Variants in JAK1 observed in about 807,000 individuals in gnomAD.
JAK1 encodes the protein Janus kinase 1.
Under a neutral mutation model 136.6 loss-of-function variants are expected in JAK1, and 16 were observed. The observed-to-expected ratio is 0.12, with a 90% CI of 0.08 to 0.18. The LOEUF (loss-of-function observed/expected upper bound fraction) is 0.18, where lower values mean the gene tolerates loss of function less well. Ranked by LOEUF, JAK1 falls within the 10% of genes least tolerant of loss-of-function variation. The pLI, the probability that JAK1 is intolerant of heterozygous loss-of-function variation, is 1.00. For synonymous variants in JAK1, 492 were observed against 519.5 expected, an observed-to-expected ratio of 0.95 and a Z score of 0.72; for missense variants, 859 against 1,450.1, an observed-to-expected ratio of 0.59 and a Z score of 6.62.
intron 2 of JAK1, chr1:64,985,277 G>A: frequency 6.2e-7 from 1 of 1,609,166 alleles, no homozygotes; most frequent in Non-Finnish European, 8.5e-7. Context: ...GGAGCATGAT[G>A]GAAATGATGA....
chr1:64,997,679 G>A (rs977464757), intron 2 of JAK1, among the ~76,000 whole-genome samples: 10 of 152,178 alleles, frequency 6.6e-5, no homozygotes, highest in African/African-American at 2.4e-4. Flanking sequence ...GGTTTATAAT[G>A]GTTGCAGAGA....
Position 64,857,689 on chromosome 1 carries a change from G to T in JAK1, c.1425C>A (p.Ile475=). 1.2e-6 allele frequency: 2 copies of T among 1,614,204 alleles called. No individual in the cohort carries two copies. The highest frequency in any genetic ancestry group is 1.7e-6 in the Non-Finnish European group (2 of 1,180,034). ...TCTCAAAGCAGGTGACGGTCATGAG[G>T]ATGTTGTCAAAGTCGGTGCAGCTCC... is the stretch of plus-strand genomic sequence containing the variant. The part of the protein sequence containing the change: ...LRWSCTDFDN[I]LMTVTCFEKS... Residue 475 remains isoleucine, a synonymous_variant, in exon 10 of 25, where the codon ATC becomes ATA. Transcript: ENST00000342505.
intron 2 of JAK1, chr1:64,972,820 T>C (rs1038657316): frequency 5.9e-5 from 9 of 151,798 alleles, no homozygotes; most frequent in African/African-American, 2.2e-4. Context: ...ATATTTATTG[T>C]TTAAAAATTA....
chr1:64,846,709 T>C lies in JAK1; in HGVS notation c.1927A>G (p.Arg643Gly), dbSNP rs749155017. The C allele has an allele frequency of 1.9e-6, 3 of 1,614,054 alleles. No individual in the cohort carries two copies. Residue 643 changes from arginine (R) to glycine (G), a missense_variant, in exon 14 of 25, where the codon AGA (arginine) becomes GGA (glycine). Arg to Gly is a moderately radical substitution (Grantham distance 125). Transcript: ENST00000342505. Reference protein sequence around the residue: ...LAFFEAASMMRQVSHKHIVYL... With the variant: ...LAFFEAASMMGQVSHKHIVYL... ...ACGATGTGTTTGTGGGAGACCTGTC[T>C]CATCATGCTGGCTGCCTCGAAGAAG... is the stretch of plus-strand genomic sequence containing the variant.
At chr1:65,056,797 A>C (rs1647559923) in intron 1 of JAK1, among the ~76,000 whole-genome samples, 1 of 151,884 alleles carries the variant, frequency 6.6e-6, no homozygotes, top group Non-Finnish European at 1.5e-5. Context: ...GGTGGTGCAC[A>C]CCTGTAATCC....
At chr1:64,985,197 C>T in intron 2 of JAK1, 2 of 1,552,940 alleles carry the variant, frequency 1.3e-6, no homozygotes, top group Non-Finnish European at 1.8e-6. Context: ...CTCTTGAACA[C>T]CTGCACCCTT....
At chr1:64,858,560 C>G (rs566858806) in intron 9 of JAK1, among the ~76,000 whole-genome samples, 2 of 152,152 alleles carry the variant, frequency 1.3e-5, no homozygotes, top group Admixed American at 6.5e-5. Context: ...TGAGCAGGCT[C>G]TTTAGGCAAG....
intron 11 of JAK1, among the ~76,000 whole-genome samples, chr1:64,852,934 A>G (rs1485875975): frequency 6.6e-6 from 1 of 152,064 alleles, no homozygotes; most frequent in East Asian, 1.9e-4. Flanking sequence ...GGAGTGGGAG[A>G]TGGGTAGTGG....
In JAK1 at chr1:64,856,079, G is replaced by GACTCAAAAAA. The variant is rs1256991682; in HGVS notation, c.1459-382_1459-381insTTTTTTGAGT. 1.2e-4 allele frequency among the ~76,000 whole-genome samples: 18 copies of GACTCAAAAAA among 152,254 alleles called. 1 individual carries two copies. Among genetic ancestry groups the GACTCAAAAAA allele is most frequent in the Admixed American group, 3.9e-4 (6 of 15,288 alleles). ...AAAAACTTAGTAAGCCCTTTATAAA[G>GACTCAAAAAA]TCCAGCAGATATTATATATGAGGTA... is the stretch of plus-strand genomic sequence containing the variant. On this transcript the variant is annotated intron_variant, in intron 10 of 24. Coordinates refer to ENST00000342505, the MANE Select transcript of JAK1 (RefSeq NM_002227.4).
chr1:65,009,428 A>G (rs920985890), intron 2 of JAK1, among the ~76,000 whole-genome samples: 1 of 152,222 alleles, frequency 6.6e-6, no homozygotes, highest in Non-Finnish European at 1.5e-5. Flanking sequence ...ACATTTTATG[A>G]CATATGTTAC....
chr1:64,903,535 G>C (rs1158769210), intron 1 of JAK1, among the ~76,000 whole-genome samples: 2 of 152,180 alleles, frequency 1.3e-5, no homozygotes, highest in South Asian at 2.1e-4. Flanking sequence ...TGAGAGGACA[G>C]GAAGCCTAGT....
chr1:64,985,917 A>G, intron 2 of JAK1: 1 of 796,724 alleles, frequency 1.3e-6, no homozygotes, highest in Non-Finnish European at 2.1e-6. Flanking sequence ...CCAAAGGGAC[A>G]AGCACAACAT....
Position 64,834,305 on chromosome 1 carries a change from G to A in JAK1, c.*257C>T, listed in dbSNP as rs1570596469. On this transcript the variant is annotated 3_prime_UTR_variant, in exon 25 of 25. Transcript: ENST00000342505. ...TGGTATATTCTTTCCACAAGGAGGAGTGCTTAAGTGCTTTCAAATATTTTG... is the reference window on the plus strand; with the variant it reads ...TGGTATATTCTTTCCACAAGGAGGAATGCTTAAGTGCTTTCAAATATTTTG... 3 of 314,698 alleles carry A rather than the reference G, an allele frequency of 9.5e-6. No homozygotes were observed. The highest frequency in any genetic ancestry group is 1.8e-5 in the Non-Finnish European group (3 of 168,202). 19.5% of individuals were successfully genotyped at this position (314,698 alleles called of 1,614,324 possible).
intron 1 of JAK1, among the ~76,000 whole-genome samples, chr1:64,932,817 C>A (rs541247802): frequency 3.4e-4 from 51 of 152,146 alleles, no homozygotes; most frequent in African/African-American, 1.2e-3. Flanking sequence ...CTGGGACTGC[C>A]CACAATCTCT....
chr1:64,981,774 A>C (rs948412792), intron 2 of JAK1, among the ~76,000 whole-genome samples: 1 of 152,208 alleles, frequency 6.6e-6, no homozygotes, highest in Admixed American at 6.5e-5. Flanking sequence ...CAGTGTTTAC[A>C]CTATTACACA....
chr1:65,035,057 AAAATAAAT>A (rs35499348), intron 2 of JAK1, among the ~76,000 whole-genome samples: 13,930 of 149,524 alleles, frequency 0.093, 723 homozygotes, highest in Admixed American at 0.12. Flanking sequence ...ACTCCATCTC[AAAATAAAT>A]AAATAAATAA....
chr1:64,874,194 A>G (rs1348665311), intron 4 of JAK1, among the ~76,000 whole-genome samples: 1 of 152,156 alleles, frequency 6.6e-6, no homozygotes, highest in Non-Finnish European at 1.5e-5. Context: ...AGGCTAGGTG[A>G]CCTAAAACTA....
chr1:64,895,500 G>A (rs1236940065), intron 1 of JAK1, among the ~76,000 whole-genome samples: 1 of 152,188 alleles, frequency 6.6e-6, no homozygotes, highest in Non-Finnish European at 1.5e-5. Context: ...ATATAAAACA[G>A]TGAGACATTC....
At position 65,003,013 on chromosome 1, in the gene JAK1, CTTT is replaced by C. The variant is rs11410336; in HGVS notation, c.-78+41464_-78+41466del. The stretch of plus-strand genomic sequence containing the variant: ...CCTCGCACGGCGTGAGACAACCTAG[CTTT>C]TTTTTTTTTTTTTTTTTTAAGAAAA... On this transcript the variant is annotated intron_variant, in intron 2 of 25. Coordinates refer to the JAK1 transcript ENST00000671954. Among the ~76,000 whole-genome samples the C allele has an allele frequency of 8.7e-4, 104 of 119,868 alleles. 1 individual carries two copies. The highest frequency in any genetic ancestry group is 0.011 in the Middle Eastern group (2 of 186). 78.6% of individuals were successfully genotyped at this position (119,868 alleles called of 152,430 possible).
Sources: gnomAD v4.1 joint callset for allele counts (sites outside exome capture counted in the v4.1 genomes callset) on GRCh38, gnomAD v4.1.1 for gene constraint, MANE v1.5 for transcripts, NCBI Gene and HGNC (gene_info 2026-07-23, HGNC 2026-07-21) for gene names.